Variants in TMEM178B observed in about 807,000 individuals in gnomAD.
TMEM178B encodes the protein transmembrane protein 178B.
In TMEM178B, 5 loss-of-function variants were observed where a neutral mutation model predicts 31.0. That is an observed-to-expected ratio of 0.16 (90% CI 0.08 to 0.34). TMEM178B has a LOEUF of 0.34. Among genes scored for constraint, TMEM178B ranks in the 10% least tolerant of loss-of-function variants. TMEM178B has a pLI of 1.00. For missense variants in TMEM178B, 275 were observed against 400.3 expected, an observed-to-expected ratio of 0.69 and a Z score of 2.67; for synonymous variants, 164 against 164.0, an observed-to-expected ratio of 1.00 and a Z score of 0.00.
chr7:141,194,546 C>T (rs1335355692), intron 1 of TMEM178B, among the ~76,000 whole-genome samples: 1 of 152,192 alleles, frequency 6.6e-6, no homozygotes, highest in Non-Finnish European at 1.5e-5. Context: ...GGAAGCTCCG[C>T]CCCTGTGGCT....
intron 2 of TMEM178B, among the ~76,000 whole-genome samples, chr7:141,408,897 G>A (rs542909207): frequency 1.1e-4 from 17 of 152,146 alleles, no homozygotes; most frequent in Non-Finnish European, 2.4e-4. Context: ...GAGAGTGGGA[G>A]GGCTGAGAGC....
intron 1 of TMEM178B, among the ~76,000 whole-genome samples, chr7:141,182,712 T>C (rs2129184066): frequency 6.6e-6 from 1 of 152,306 alleles, no homozygotes; most frequent in Non-Finnish European, 1.5e-5. Flanking sequence ...AATTGAATCG[T>C]GGGGCGGTTT....
At chr7:141,356,379 T>TG (rs1799818686) in intron 2 of TMEM178B, among the ~76,000 whole-genome samples, 1 of 132,648 alleles carries the variant, frequency 7.5e-6, no homozygotes, top group African/African-American at 2.8e-5. Flanking sequence ...CACTGACATC[T>TG]GTTTTTTTTT....
chr7:141,264,232 A>G (rs1232539673), intron 2 of TMEM178B, among the ~76,000 whole-genome samples: 1 of 152,230 alleles, frequency 6.6e-6, no homozygotes, highest in Non-Finnish European at 1.5e-5. Flanking sequence ...TGCATGACCC[A>G]AGGTCCTAGG....
chr7:141,086,134 C>A (rs188808427), intron 1 of TMEM178B, among the ~76,000 whole-genome samples: 1 of 152,094 alleles, frequency 6.6e-6, no homozygotes, highest in East Asian at 1.9e-4. Context: ...CTCCTGGGTT[C>A]AGATGATTCT....
intron 2 of TMEM178B, among the ~76,000 whole-genome samples, chr7:141,227,563 G>A (rs920478328): frequency 2.0e-5 from 3 of 152,304 alleles, no homozygotes; most frequent in African/African-American, 7.2e-5. Flanking sequence ...CAGAAGAGCC[G>A]TGTCCTATGA....
intron 2 of TMEM178B, among the ~76,000 whole-genome samples, chr7:141,300,157 G>A (rs1311886506): frequency 2.6e-5 from 4 of 152,130 alleles, no homozygotes; most frequent in Admixed American, 1.3e-4. Context: ...ACATTTGTTC[G>A]TGGAGCCATC....
At chr7:141,139,921 A>G (rs1355852428) in intron 1 of TMEM178B, among the ~76,000 whole-genome samples, 1 of 151,966 alleles carries the variant, frequency 6.6e-6, no homozygotes, top group Non-Finnish European at 1.5e-5. Context: ...GGCCACCACC[A>G]CACCCAGCTA....
At chr7:141,487,815 T>C in the TMEM178B span, among the ~76,000 whole-genome samples, 3 of 151,120 alleles carry the variant, frequency 2.0e-5, no homozygotes, top group South Asian at 2.1e-4. Flanking sequence ...TTATCTCTGC[T>C]TGAGAAGAAA....
chr7:141,374,576 A>T (rs1233720194), intron 2 of TMEM178B, among the ~76,000 whole-genome samples: 1 of 152,148 alleles, frequency 6.6e-6, no homozygotes, highest in African/African-American at 2.4e-5. Flanking sequence ...GCACAGCTTA[A>T]AAACCCCACG....
At chr7:141,372,372 C>T (rs564074536) in intron 2 of TMEM178B, among the ~76,000 whole-genome samples, 19 of 152,286 alleles carry the variant, frequency 1.2e-4, no homozygotes, top group Middle Eastern at 3.4e-3. Context: ...GCCAGGTGCG[C>T]TCTTGCTCAG....
At chr7:141,079,487 A>T (rs371121103) in intron 1 of TMEM178B, among the ~76,000 whole-genome samples, 10 of 152,332 alleles carry the variant, frequency 6.6e-5, no homozygotes, top group African/African-American at 2.4e-4. Flanking sequence ...TTTGTTTCAG[A>T]TGAGTATAAT....
At chr7:141,138,716 C>T (rs1029289481) in intron 1 of TMEM178B, among the ~76,000 whole-genome samples, 1 of 152,068 alleles carries the variant, frequency 6.6e-6, no homozygotes, top group African/African-American at 2.4e-5. Flanking sequence ...GGCGGGGTGG[C>T]TCACGCCTGT....
At chr7:141,293,252 C>G (rs146881183) in intron 2 of TMEM178B, among the ~76,000 whole-genome samples, 1 of 152,280 alleles carries the variant, frequency 6.6e-6, no homozygotes, top group East Asian at 1.9e-4. Flanking sequence ...CCTGGGGGCT[C>G]CTCTGCTTTT....
chr7:141,307,490 G>T (rs1798834356), intron 2 of TMEM178B, among the ~76,000 whole-genome samples: 1 of 152,160 alleles, frequency 6.6e-6, no homozygotes, highest in Admixed American at 6.5e-5. Flanking sequence ...GCTCCTTTCT[G>T]GGAGCCCCCA....
intron 1 of TMEM178B, among the ~76,000 whole-genome samples, chr7:141,134,010 G>A (rs1050731959): frequency 6.6e-6 from 1 of 152,134 alleles, no homozygotes; most frequent in Non-Finnish European, 1.5e-5. Flanking sequence ...TGAGATGGGA[G>A]GATTGCTTAA....
chr7:141,182,450 G>A (rs1034747847), intron 1 of TMEM178B, among the ~76,000 whole-genome samples: 3 of 152,162 alleles, frequency 2.0e-5, no homozygotes, highest in Non-Finnish European at 2.9e-5. Context: ...ATTTAAACAT[G>A]AGTTTTAACA....
intron 2 of TMEM178B, among the ~76,000 whole-genome samples, chr7:141,349,995 C>CCATG (rs1481437493): frequency 1.3e-4 from 20 of 151,488 alleles, no homozygotes; most frequent in African/African-American, 4.1e-4. Context: ...ATCCATCCAT[C>CCATG]CATGCATGCA....
chr7:141,232,272 T>G (rs1722914040), intron 2 of TMEM178B, among the ~76,000 whole-genome samples: 1 of 152,204 alleles, frequency 6.6e-6, no homozygotes, highest in South Asian at 2.1e-4. Context: ...AATGAACATA[T>G]GCATGCATGT....
Sources: gnomAD v4.1 joint callset for allele counts (sites outside exome capture counted in the v4.1 genomes callset) on GRCh38, gnomAD v4.1.1 for gene constraint, MANE v1.5 for transcripts, NCBI Gene and HGNC (gene_info 2026-07-23, HGNC 2026-07-21) for gene names.